The following CIB2 variants were observed in gnomAD, a reference collection of about 807,000 sequenced individuals.
CIB2 encodes the protein calcium and integrin binding family member 2, also known as calcium and integrin-binding family member 2.
In CIB2, 19 loss-of-function variants were observed where a neutral mutation model predicts 23.1. That is an observed-to-expected ratio of 0.82 (90% CI 0.57 to 1.21). The LOEUF is 1.21. CIB2 is among the 50% of genes most tolerant of loss of function. The pLI, the probability that CIB2 is intolerant of heterozygous loss-of-function variation, is 0.00. For synonymous variants in CIB2, 94 were observed against 91.7 expected (o/e 1.03, Z -0.14); for missense variants, 220 against 241.5 (o/e 0.91, Z 0.59).
At chr15:78,115,826 C>T (rs1420973555) in intron 2 of CIB2, among the ~76,000 whole-genome samples, 5 of 151,244 alleles carry the variant, frequency 3.3e-5, no homozygotes, top group African/African-American at 1.2e-4. Context: ...TACAGGCGCC[C>T]GCCACCACAC....
intron 1 of CIB2, among the ~76,000 whole-genome samples, chr15:78,124,729 G>A (rs190862394): frequency 6.6e-6 from 1 of 152,308 alleles, no homozygotes; most frequent in Admixed American, 6.5e-5. Context: ...AGAGCCCAGA[G>A]CCCATAGGGC....
At chr15:78,109,519 G>T (rs984606823) in intron 3 of CIB2, 137 bp from the exon 4 acceptor site, 1 of 915,726 alleles carries the variant, frequency 1.1e-6, no homozygotes, top group Non-Finnish European at 1.7e-6. Flanking sequence ...TCTGTAAAAA[G>T]GGAATAATAA....
At position 78,118,520 on chromosome 15, in the gene CIB2, C is replaced by T. The variant is rs185804542; in HGVS notation, c.86+5185G>A. Among the ~76,000 whole-genome samples, 262 of 146,048 alleles carry T rather than the reference C, an allele frequency of 1.8e-3. 2 individuals carry two copies. The highest frequency in any genetic ancestry group is 0.011 in the Middle Eastern group (3 of 270). ...AGGAGAATTGCTTGAACCCAGGAGGCAGAGGTTGCAGTGAGCCGAGATCGC... is the reference window on the plus strand; with the variant it reads ...AGGAGAATTGCTTGAACCCAGGAGGTAGAGGTTGCAGTGAGCCGAGATCGC... On this transcript the variant is annotated intron_variant, in intron 2 of 5. Transcript: ENST00000258930.
At position 78,131,358 on chromosome 15, in the gene CIB2, C is replaced by T; in HGVS notation, c.-143G>A. The T allele has an allele frequency of 6.2e-6, 3 of 483,170 alleles. No individual in the cohort carries two copies. The highest frequency in any genetic ancestry group is 8.5e-6 in the Non-Finnish European group (3 of 351,110). 29.9% of individuals were successfully genotyped at this position (483,170 alleles called of 1,614,324 possible). ...CACGGTGGCCGGACCCTTCCCGCCC[C>T]GCAGCTCGCCTGGAGGAGGCGCGCG... On this transcript the variant is annotated 5_prime_UTR_variant, in exon 1 of 6. Transcript: ENST00000258930. This position sits in a 1 kb window ranked among gnomAD's most constrained non-coding sequence, Gnocchi z 5.8.
chr15:78,128,384 A>G (rs976869536), intron 1 of CIB2, among the ~76,000 whole-genome samples: 27 of 152,190 alleles, frequency 1.8e-4, no homozygotes, highest in African/African-American at 6.5e-4. Context: ...GGAGTAAGAA[A>G]TGAGGCTGGA....
rs111895390 is a variant in CIB2 at position 78,109,100 on chromosome 15, G to C, written c.346+135C>G. 3.3e-3 allele frequency: 3,344 copies of C among 1,017,132 alleles called. 68 individuals carry two copies. In the African/African-American group the frequency reaches 0.047, roughly 14 times the overall value. The allele number at this position is 1,017,132 out of a possible 1,614,324, so 63.0% of individuals were successfully genotyped here. On this transcript the variant is annotated intron_variant, in intron 4 of 5. Transcript: ENST00000258930. ...TCTCCCTTGGCCACCCCACTGGACAGGCACTCTTCAGAGGACAGATCAGCT... is the reference window on the plus strand; with the variant it reads ...TCTCCCTTGGCCACCCCACTGGACACGCACTCTTCAGAGGACAGATCAGCT...
chr15:78,121,059 G>C (rs1333656472), intron 2 of CIB2, among the ~76,000 whole-genome samples: 1 of 152,174 alleles, frequency 6.6e-6, no homozygotes, highest in African/African-American at 2.4e-5. Flanking sequence ...GGAGAAAAGC[G>C]AAGGGGGGTG....
chr15:78,116,466 A>C (rs943824860), intron 2 of CIB2, among the ~76,000 whole-genome samples: 22 of 147,346 alleles, frequency 1.5e-4, no homozygotes, highest in African/African-American at 5.4e-4. Flanking sequence ...CTGCCTGACA[A>C]AAAAAAAAAA....
intron 2 of CIB2, among the ~76,000 whole-genome samples, chr15:78,111,751 T>A (rs1030713880): frequency 3.9e-5 from 6 of 152,004 alleles, no homozygotes; most frequent in Non-Finnish European, 7.4e-5. Flanking sequence ...TAAGGCCACA[T>A]AACTAGGGAG....
chr15:78,105,801 A>T lies in CIB2; in HGVS notation c.480T>A (p.Gly160=), dbSNP rs1040014726. The part of the protein sequence containing the change: ...DKVIEEADLD[G]DGKLGFADFE... ...AGTCAGCAAAGCCCAGCTTGCCGTC[A>T]CCGTCCAAGTCAGCCTCCTCAATGA... Residue 160 remains glycine, a synonymous_variant, in exon 5 of 6, where the codon GGT becomes GGA. Coordinates refer to ENST00000258930, the MANE Select transcript of CIB2 (RefSeq NM_006383.4). 6 of 1,614,178 alleles carry T rather than the reference A, an allele frequency of 3.7e-6. No individual in the cohort carries two copies. The highest frequency in any genetic ancestry group is 4.2e-6 in the Non-Finnish European group (5 of 1,180,024).
At position 78,128,565 on chromosome 15, in the gene CIB2, T is replaced by C. The variant is rs1423423853; in HGVS notation, c.51+2600A>G. ...GGTGGTGGGTGCCTGTAATCCCAGCTACTTGGGAGGCTGAGGCAGGGAAAA... is the reference window on the plus strand; with the variant it reads ...GGTGGTGGGTGCCTGTAATCCCAGCCACTTGGGAGGCTGAGGCAGGGAAAA... On this transcript the variant is annotated intron_variant, in intron 1 of 5. Coordinates refer to ENST00000258930, the MANE Select transcript of CIB2 (RefSeq NM_006383.4). 2.6e-5 allele frequency among the ~76,000 whole-genome samples: 4 copies of C among 151,906 alleles called. No homozygotes were observed. The East Asian group carries it at 5.8e-4, about 22-fold the overall frequency.
chr15:78,124,130 C>T (rs1210118651), intron 1 of CIB2, among the ~76,000 whole-genome samples: 6 of 152,172 alleles, frequency 3.9e-5, no homozygotes, highest in South Asian at 2.1e-4. Context: ...AGGGCCACCT[C>T]GTGTAGCTGC....
At chr15:78,124,589 G>C (rs186454547) in intron 1 of CIB2, among the ~76,000 whole-genome samples, 7 of 152,298 alleles carry the variant, frequency 4.6e-5, no homozygotes, top group Admixed American at 2.0e-4. Flanking sequence ...GAAAAGTATA[G>C]AGGTGAAGAG....
chr15:78,107,070 T>C (rs1299759161), intron 4 of CIB2, among the ~76,000 whole-genome samples: 1 of 145,826 alleles, frequency 6.9e-6, no homozygotes, highest in Non-Finnish European at 1.5e-5. Context: ...CTACTAAAAA[T>C]ACAAAAAAAA....
chr15:78,124,347 C>A (rs2074356179), intron 1 of CIB2, among the ~76,000 whole-genome samples: 1 of 151,832 alleles, frequency 6.6e-6, no homozygotes, highest in East Asian at 1.9e-4. Context: ...GCAGGGGGAA[C>A]CAGGTAGCAT....
Position 78,105,157 on chromosome 15 carries a change from T to G in CIB2, c.*154A>C. ...AACCTTCACAGGCCCCCTTCCTGGT[T>G]AAGGTTTTTTTTTTGCTGAAAGGGC... On this transcript the variant is annotated 3_prime_UTR_variant, in exon 6 of 6. Coordinates refer to ENST00000258930, the MANE Select transcript of CIB2 (RefSeq NM_006383.4). 1.9e-6 allele frequency: 2 copies of G among 1,062,164 alleles called. No individual in the cohort carries two copies. The highest frequency in any genetic ancestry group is 2.7e-6 in the Non-Finnish European group (2 of 734,732). 65.8% of individuals were successfully genotyped at this position (1,062,164 alleles called of 1,614,324 possible).
At chr15:78,126,146 C>CG (rs1280535154) in intron 1 of CIB2, among the ~76,000 whole-genome samples, 1 of 144,806 alleles carries the variant, frequency 6.9e-6, no homozygotes, top group South Asian at 2.2e-4. Flanking sequence ...CCCTGCCCCC[C>CG]CCCCTTTTTT....
rs181040585 is a variant in CIB2, at chr15:78,112,256, G to A, written c.87-980C>T. On this transcript the variant is annotated intron_variant, in intron 2 of 5. Transcript: ENST00000258930. ...GAGAATAGCCCCCCATCCCAAGACA[G>A]GTACAAATTGTATTTAGATGACATT... Among the ~76,000 whole-genome samples the A allele has an allele frequency of 2.6e-5, 4 of 152,218 alleles. No homozygotes were observed. In the East Asian group the frequency reaches 5.8e-4, roughly 22 times the overall value.
chr15:78,125,326 G>A (rs1181210531), intron 1 of CIB2, among the ~76,000 whole-genome samples: 1 of 152,170 alleles, frequency 6.6e-6, no homozygotes, highest in African/African-American at 2.4e-5. Context: ...CCAGTGAGAA[G>A]GGCCAGGGCT....
Sources: gnomAD v4.1 joint callset for allele counts (sites outside exome capture counted in the v4.1 genomes callset) on GRCh38, gnomAD v4.1.1 for gene constraint, Gnocchi (gnomAD v3.1) non-coding constraint, MANE v1.5 for transcripts, NCBI Gene and HGNC (gene_info 2026-07-23, HGNC 2026-07-21) for gene names.